The following ARHGEF33 variants were observed in gnomAD, a reference collection of about 807,000 sequenced individuals.
ARHGEF33 encodes DH and coiled-coil domain-containing protein ENSP00000381780.
ARHGEF33 carries 72 observed loss-of-function variants against 101.9 expected under a neutral mutation model. That is an observed-to-expected ratio of 0.71 (90% CI 0.58 to 0.86). The LOEUF (loss-of-function observed/expected upper bound fraction) is 0.86, where lower values mean the gene tolerates loss of function less well. ARHGEF33 is among the 40% of genes least tolerant of loss of function. The pLI, the probability that ARHGEF33 is intolerant of heterozygous loss-of-function variation, is 0.00. For missense variants in ARHGEF33, 1,169 were observed against 1,111.3 expected (o/e 1.05, Z -0.74); for synonymous variants, 499 against 442.5 (o/e 1.13, Z -1.60).
At chr2:38,968,384 G>T (rs537035379) in intron 17 of ARHGEF33, among the ~76,000 whole-genome samples, 88 of 152,264 alleles carry the variant, frequency 5.8e-4, no homozygotes, top group African/African-American at 1.9e-3. Context: ...CTTTGTTGTA[G>T]CTTGATCTGA....
At chr2:38,894,439 A>C (rs564896593) in intron 1 of ARHGEF33, among the ~76,000 whole-genome samples, 43 of 135,936 alleles carry the variant, frequency 3.2e-4, no homozygotes, top group Admixed American at 9.0e-4. Flanking sequence ...AAAAAAGAAT[A>C]ATAATAGAGG....
At chr2:38,929,199 G>A (rs572470010) in intron 5 of ARHGEF33, 128 bp downstream of exon 5, 2 of 612,572 alleles carry the variant, frequency 3.3e-6, no homozygotes, top group East Asian at 6.4e-5. Context: ...GGGAGGCCGA[G>A]GCAGGTAGAT....
chr2:38,910,692 T>G (rs759382445), intron 2 of ARHGEF33, among the ~76,000 whole-genome samples: 5 of 152,252 alleles, frequency 3.3e-5, no homozygotes, highest in Admixed American at 6.5e-5. Context: ...TTAGTCCTAC[T>G]TTGTATTATT....
At chr2:38,923,514 G>A (rs1414941778) in intron 4 of ARHGEF33, among the ~76,000 whole-genome samples, 1 of 152,024 alleles carries the variant, frequency 6.6e-6, no homozygotes, top group African/African-American at 2.4e-5. Context: ...CACCTTGTTT[G>A]TTTTTTAATT....
chr2:38,966,585 C>T (rs1668056910), intron 17 of ARHGEF33, among the ~76,000 whole-genome samples: 1 of 152,160 alleles, frequency 6.6e-6, no homozygotes. Flanking sequence ...GGCCTGTTGT[C>T]ATCCTGGGTG....
chr2:38,936,478 C>T (rs1467778621), intron 8 of ARHGEF33, among the ~76,000 whole-genome samples: 1 of 152,110 alleles, frequency 6.6e-6, no homozygotes, highest in African/African-American at 2.4e-5. Flanking sequence ...TATAAGGAGT[C>T]AATACATACT....
chr2:38,954,583 T>C, intron 13 of ARHGEF33, 127 bp downstream of exon 13: 2 of 667,242 alleles, frequency 3.0e-6, no homozygotes, highest in Admixed American at 2.5e-5. Context: ...TTTATTTAGA[T>C]TGTTATGATT....
At chr2:38,907,514 T>A (rs1038042169) in intron 2 of ARHGEF33, among the ~76,000 whole-genome samples, 1 of 152,204 alleles carries the variant, frequency 6.6e-6, no homozygotes, top group Non-Finnish European at 1.5e-5. Flanking sequence ...GATGATCCGT[T>A]TTACAATGTA....
chr2:38,945,880 C>A (rs1256232958), intron 10 of ARHGEF33, among the ~76,000 whole-genome samples: 3 of 152,152 alleles, frequency 2.0e-5, no homozygotes. Flanking sequence ...AACTAAGGCC[C>A]AGAGAAGCTT....
At chr2:38,937,724 A>T (rs911077580) in intron 9 of ARHGEF33, among the ~76,000 whole-genome samples, 165 bp downstream of exon 9, 1 of 152,096 alleles carries the variant, frequency 6.6e-6, no homozygotes, top group Non-Finnish European at 1.5e-5. Context: ...AGGTAAAGGG[A>T]CTCATTAGAG....
chr2:38,960,016 C>G lies in ARHGEF33; in HGVS notation c.1711C>G (p.Pro571Ala). The G allele has an allele frequency of 6.5e-7, 1 of 1,547,342 alleles. No homozygotes were observed. The highest frequency in any genetic ancestry group is 8.7e-7 in the Non-Finnish European group (1 of 1,144,726). Residue 571 changes from proline (P) to alanine (A), a missense_variant, in exon 16 of 18, where the codon CCC (proline) becomes GCC (alanine). Coordinates refer to ENST00000409978, the MANE Select transcript of ARHGEF33 (RefSeq NM_001145451.5). ...AEQDVKALAGPLQAIPEMDFE... is the reference protein window; with the variant it reads ...AEQDVKALAGALQAIPEMDFE... ...GCAGGACGTGAAGGCGCTGGCCGGG[C>G]CCCTGCAGGCCATCCCGGAGATGGA... is the stretch of plus-strand genomic sequence containing the variant.
intron 11 of ARHGEF33, among the ~76,000 whole-genome samples, chr2:38,952,865 A>AT (rs1208543621): frequency 1.3e-5 from 2 of 152,040 alleles, no homozygotes; most frequent in East Asian, 1.9e-4. Context: ...TGCCTGGCTA[A>AT]TTTTTTGTAT....
At chr2:38,925,652 G>A (rs903224495) in intron 4 of ARHGEF33, among the ~76,000 whole-genome samples, 8 of 152,204 alleles carry the variant, frequency 5.3e-5, no homozygotes, top group African/African-American at 1.4e-4. Flanking sequence ...CAGAAAACTC[G>A]TGTTGCTTCT....
chr2:38,891,877 C>T lies in ARHGEF33; in HGVS notation c.-159+1891C>T, dbSNP rs79236874. Among the ~76,000 whole-genome samples, 1,073 of 152,208 alleles carry T rather than the reference C, an allele frequency of 7.0e-3. 18 individuals carry two copies. Among genetic ancestry groups the T allele is most frequent in the African/African-American group, 0.024 (1,005 of 41,514 alleles). Reference sequence around the variant, plus strand: ...GGGAGTCATGGAAGGAAAAAAAACCCTCATTATGTTATTTGTAAAGCACTT... The same window carrying T: ...GGGAGTCATGGAAGGAAAAAAAACCTTCATTATGTTATTTGTAAAGCACTT... On this transcript the variant is annotated intron_variant, in intron 1 of 17. Transcript: ENST00000409978.
chr2:38,952,531 A>G (rs186237567), intron 11 of ARHGEF33, among the ~76,000 whole-genome samples: 1 of 152,220 alleles, frequency 6.6e-6, no homozygotes, highest in Non-Finnish European at 1.5e-5. Context: ...TTACAAAAAT[A>G]AAAGATACAT....
At chr2:38,942,898 A>T (rs1667349434) in intron 9 of ARHGEF33, among the ~76,000 whole-genome samples, 1 of 152,180 alleles carries the variant, frequency 6.6e-6, no homozygotes, top group Non-Finnish European at 1.5e-5. Flanking sequence ...TAGACAGGCT[A>T]ATCAGATGGC....
In ARHGEF33 at chr2:38,959,634, C is replaced by T. The variant is rs1322183500; in HGVS notation, c.1536-207C>T. On this transcript the variant is annotated intron_variant, in intron 15 of 17. Transcript: ENST00000409978. Reference sequence around the variant, plus strand: ...CATTTCCCAGAAGCTCAGACAATACCTTCGGGCCTCCGCTCGACGGACTGC... The same window carrying T: ...CATTTCCCAGAAGCTCAGACAATACTTTCGGGCCTCCGCTCGACGGACTGC... The T allele has an allele frequency of 7.3e-6, 4 of 544,648 alleles. No individual in the cohort carries two copies. In the East Asian group the frequency reaches 1.2e-4, roughly 17 times the overall value. 33.7% of individuals were successfully genotyped at this position (544,648 alleles called of 1,614,324 possible). A position where few individuals can be genotyped will look rare whatever the true frequency, so the allele number is the denominator to read the frequency against.
In ARHGEF33 at chr2:38,929,196, C is replaced by T. The variant is rs150294795; in HGVS notation, c.240+125C>T. On this transcript the variant is annotated intron_variant, in intron 5 of 17. Transcript: ENST00000409978. Reference sequence around the variant, plus strand: ...CTGTAATCCCAGCACTTTGGGAGGCCGAGGCAGGTAGATCACAAGGTCAGG... The same window carrying T: ...CTGTAATCCCAGCACTTTGGGAGGCTGAGGCAGGTAGATCACAAGGTCAGG... 5.9e-3 allele frequency: 3,684 copies of T among 623,976 alleles called. 80 individuals are homozygous for T. The highest frequency in any genetic ancestry group is 0.051 in the East Asian group (1,583 of 31,112). 38.7% of individuals were successfully genotyped at this position (623,976 alleles called of 1,614,324 possible). A position where few individuals can be genotyped will look rare whatever the true frequency, so the allele number is the denominator to read the frequency against.
intron 13 of ARHGEF33, 112 bp downstream of exon 13, chr2:38,954,568 A>G (rs1375494000): frequency 1.4e-6 from 1 of 701,896 alleles, no homozygotes; most frequent in Non-Finnish European, 2.5e-6. Context: ...TATTTCTAAG[A>G]AGTGTTTATT....
Sources: allele counts gnomAD v4.1 joint callset (sites outside exome capture counted in the v4.1 genomes callset), GRCh38; gene constraint gnomAD v4.1.1; transcripts MANE v1.5; gene names NCBI Gene and HGNC (gene_info 2026-07-23, HGNC 2026-07-21).